COL22A1: variants seen among roughly 807,000 people sequenced by gnomAD.
COL22A1 encodes collagen alpha-1(XXII) chain.
COL22A1 carries 221 observed loss-of-function variants against 248.9 expected under a neutral mutation model. The observed-to-expected ratio is 0.89, with a 90% CI of 0.80 to 0.99. The LOEUF (loss-of-function observed/expected upper bound fraction) is 0.99, where lower values mean the gene tolerates loss of function less well. Ranked by LOEUF, COL22A1 falls within the 50% of genes least tolerant of loss-of-function variation. The probability of loss-of-function intolerance (pLI) is 0.00; values close to 1 mark genes in which losing one functional copy is unlikely to be tolerated. For synonymous variants in COL22A1, 891 were observed against 793.4 expected (o/e 1.12, Z -2.07); for missense variants, 2,240 against 2,179.0 (o/e 1.03, Z -0.56).
intron 22 of COL22A1, among the ~76,000 whole-genome samples, chr8:138,744,088 C>G (rs912246601): frequency 6.6e-6 from 1 of 152,156 alleles, no homozygotes; most frequent in African/African-American, 2.4e-5. Flanking sequence ...CTGATATAAA[C>G]CCTGGCTTCA....
chr8:138,704,387 C>A (rs1029440014), intron 30 of COL22A1, among the ~76,000 whole-genome samples: 1 of 152,236 alleles, frequency 6.6e-6, no homozygotes, highest in Non-Finnish European at 1.5e-5. Flanking sequence ...TAGGGGCCAA[C>A]TGAAACCTCA....
intron 48 of COL22A1, among the ~76,000 whole-genome samples, chr8:138,636,523 A>AAGGAG: frequency 6.6e-6 from 1 of 151,348 alleles, no homozygotes; most frequent in Non-Finnish European, 1.5e-5. Context: ...AAGGAAAGGA[A>AAGGAG]AGGAAAGGAA....
intron 1 of COL22A1, among the ~76,000 whole-genome samples, chr8:138,911,112 T>C (rs903373228): frequency 4.6e-5 from 7 of 152,238 alleles, no homozygotes; most frequent in African/African-American, 1.7e-4. Context: ...CCATCCCATC[T>C]GTCTGAATGC....
intron 1 of COL22A1, among the ~76,000 whole-genome samples, chr8:138,901,369 G>GTTTTTTTTTTTTTTTT (rs1396582556): frequency 1.3e-4 from 16 of 118,756 alleles, no homozygotes; most frequent in Non-Finnish European, 2.5e-4. Context: ...TTTTTTTTTT[G>GTTTTTTTTTTTTTTTT]TTTTTTTTTT....
At chr8:138,656,853 G>T (rs1296581900) in intron 44 of COL22A1, among the ~76,000 whole-genome samples, 1 of 152,186 alleles carries the variant, frequency 6.6e-6, no homozygotes, top group Non-Finnish European at 1.5e-5. Flanking sequence ...TTAAGTTTGA[G>T]TTTAGGTGTA....
chr8:138,723,640 G>T (rs1228038018), intron 25 of COL22A1, among the ~76,000 whole-genome samples: 1 of 152,186 alleles, frequency 6.6e-6, no homozygotes, highest in Non-Finnish European at 1.5e-5. Flanking sequence ...TATTGGTGAC[G>T]TTGCAGTTGA....
chr8:138,764,095 G>A (rs75149417), intron 16 of COL22A1, among the ~76,000 whole-genome samples: 9,327 of 152,246 alleles, frequency 0.061, 385 homozygotes, highest in Non-Finnish European at 0.082. Flanking sequence ...GTTTGAGGTT[G>A]GTTCCTCTCT....
intron 43 of COL22A1, among the ~76,000 whole-genome samples, chr8:138,661,101 CACACACAG>C (rs796654798): frequency 1.6e-3 from 147 of 89,666 alleles, no homozygotes; most frequent in African/African-American, 3.9e-3. Flanking sequence ...TACACACACA[CACACACAG>C]ACACACACAC....
intron 47 of COL22A1, among the ~76,000 whole-genome samples, chr8:138,643,570 T>C (rs1404696365): frequency 2.6e-5 from 4 of 151,348 alleles, no homozygotes; most frequent in African/African-American, 9.7e-5. Context: ...ACTGAATACC[T>C]CTTGCTGAGA....
At chr8:138,742,241 ATGG>A (rs1831648342) in intron 22 of COL22A1, among the ~76,000 whole-genome samples, 1 of 118,890 alleles carries the variant, frequency 8.4e-6, no homozygotes, top group Admixed American at 8.1e-5. Context: ...GATGGTGATG[ATGG>A]TGGTGATGGT....
intron 3 of COL22A1, among the ~76,000 whole-genome samples, chr8:138,874,687 C>T (rs1201233413): frequency 1.3e-5 from 2 of 152,208 alleles, no homozygotes; most frequent in African/African-American, 4.8e-5. Flanking sequence ...CTGCCTCTGC[C>T]CTGCTCCCAG....
intron 3 of COL22A1, among the ~76,000 whole-genome samples, chr8:138,856,532 AAG>A (rs1323307788): frequency 3.3e-5 from 5 of 149,354 alleles, no homozygotes; most frequent in East Asian, 2.0e-4. Context: ...AAGCAAGAGA[AAG>A]AGAGACAGAG....
At chr8:138,665,031 G>A (rs1376438296) in intron 41 of COL22A1, among the ~76,000 whole-genome samples, 1 of 152,112 alleles carries the variant, frequency 6.6e-6, no homozygotes, top group Non-Finnish European at 1.5e-5. Context: ...TCACACCAAC[G>A]CCAAGGTTCC....
intron 1 of COL22A1, among the ~76,000 whole-genome samples, chr8:138,887,879 C>A (rs1824781106): frequency 6.6e-6 from 1 of 152,178 alleles, no homozygotes; most frequent in African/African-American, 2.4e-5. Flanking sequence ...GCTCCTGTCA[C>A]CACCTACTTG....
chr8:138,710,791 T>C (rs1266448758), intron 30 of COL22A1, among the ~76,000 whole-genome samples: 1 of 152,144 alleles, frequency 6.6e-6, no homozygotes, highest in Non-Finnish European at 1.5e-5. Context: ...AAAAGCACTT[T>C]CTTGGTGTTA....
intron 41 of COL22A1, among the ~76,000 whole-genome samples, chr8:138,669,360 C>T (rs1445127467): frequency 6.6e-6 from 1 of 152,178 alleles, no homozygotes; most frequent in African/African-American, 2.4e-5. Context: ...GATGAGGGTC[C>T]TGGAGGCCGG....
chr8:138,594,126 TG>T lies in COL22A1; in HGVS notation c.4505del (p.Pro1502GlnfsTer34). The T allele has an allele frequency of 1.9e-6, 3 of 1,577,400 alleles. No individual in the cohort carries two copies. Among genetic ancestry groups the T allele is most frequent in the African/African-American group, 1.4e-5 (1 of 71,746 alleles). ...MKSSQGRPGPPGPPGKDGLPG... is the reference protein window; with the variant it reads ...MKSSQGRPGPXGPPGKDGLPG... ...GAAGCCCATCTTTTCCAGGGGGCCC[TG>T]GGGGCCCAGGTCTGCCTTGAGATGA... On this transcript the variant is annotated frameshift_variant, in exon 63 of 65. Transcript: ENST00000303045. LOFTEE classifies it high-confidence loss of function.
chr8:138,722,186 GA>G, intron 25 of COL22A1, 97 bp from the exon 26 acceptor site: 1 of 1,007,106 alleles, frequency 9.9e-7, no homozygotes, highest in Non-Finnish European at 1.5e-6. Flanking sequence ...TTTGCAGCCA[GA>G]ATGCAGGAGG....
intron 35 of COL22A1, among the ~76,000 whole-genome samples, chr8:138,692,209 G>C (rs1827076807): frequency 6.8e-6 from 1 of 148,142 alleles, no homozygotes; most frequent in South Asian, 2.1e-4. Flanking sequence ...CATGTTTGTG[G>C]AGGTGTATGT....
Sources: allele counts gnomAD v4.1 joint callset (sites outside exome capture counted in the v4.1 genomes callset), GRCh38; gene constraint gnomAD v4.1.1; transcripts MANE v1.5; gene names NCBI Gene and HGNC (gene_info 2026-07-23, HGNC 2026-07-21).